Variants in STAG1 observed in about 807,000 individuals in gnomAD.
STAG1 encodes cohesin subunit SA-1.
Under a neutral mutation model 170.9 loss-of-function variants are expected in STAG1, and 26 were observed. That is an observed-to-expected ratio of 0.15 (90% CI 0.11 to 0.21). The LOEUF is 0.21. Ranked by LOEUF, STAG1 falls within the 10% of genes least tolerant of loss-of-function variation. STAG1 has a pLI of 1.00. For synonymous variants in STAG1, 514 were observed against 497.7 expected (o/e 1.03, Z -0.44); for missense variants, 964 against 1,509.5 (o/e 0.64, Z 5.99).
At chr3:136,490,316 C>T (rs2090099606) in intron 9 of STAG1, among the ~76,000 whole-genome samples, 1 of 152,162 alleles carries the variant, frequency 6.6e-6, no homozygotes. Flanking sequence ...GTGTGAGCTA[C>T]CGCACCCGAC....
rs369638783 is a variant in STAG1, at chr3:136,690,098, A to G, written c.-83-59117T>C. On this transcript the variant is annotated intron_variant, in intron 1 of 33. Coordinates refer to ENST00000383202, the MANE Select transcript of STAG1 (RefSeq NM_005862.3). Reference sequence around the variant, plus strand: ...AAAAAAAGTAAAGAAAAGAGAGAAAAAAGTCTAAGAGTTAGTCTAACCCTG... The same window carrying G: ...AAAAAAAGTAAAGAAAAGAGAGAAAGAAGTCTAAGAGTTAGTCTAACCCTG... Among the ~76,000 whole-genome samples the G allele has an allele frequency of 4.0e-5, 6 of 151,812 alleles. 1 individual carries two copies. In the East Asian group the frequency reaches 7.7e-4, roughly 20 times the overall value.
At chr3:136,555,579 A>T (rs1354159373) in intron 5 of STAG1, among the ~76,000 whole-genome samples, 1 of 152,072 alleles carries the variant, frequency 6.6e-6, no homozygotes, top group Non-Finnish European at 1.5e-5. Context: ...GCTACATAGG[A>T]GGCTGAGGTA....
intron 4 of STAG1, among the ~76,000 whole-genome samples, chr3:136,594,773 T>C (rs1938343129): frequency 6.6e-6 from 1 of 152,154 alleles, no homozygotes; most frequent in African/African-American, 2.4e-5. Context: ...TAAACGACAG[T>C]CCGACTTTTT....
At chr3:136,415,723 G>A (rs2087752448) in intron 21 of STAG1, among the ~76,000 whole-genome samples, 2 of 152,152 alleles carry the variant, frequency 1.3e-5, no homozygotes, top group South Asian at 2.1e-4. Flanking sequence ...TCAGGCGGCC[G>A]AGGCGGAAGA....
rs34852075 is a variant in STAG1, at chr3:136,678,996, CA to C, written c.-83-48016del. Among the ~76,000 whole-genome samples, 565 of 81,586 alleles carry C rather than the reference CA, an allele frequency of 6.9e-3. 6 individuals are homozygous for C. In the East Asian group the frequency reaches 0.12, roughly 17 times the overall value. 53.5% of individuals were successfully genotyped at this position (81,586 alleles called of 152,430 possible). On this transcript the variant is annotated intron_variant, in intron 1 of 33. Transcript: ENST00000383202. Reference sequence around the variant, plus strand: ...AACAAAGAATATCAAAAATACTTCACAAAAAAAAAAAAAAACAAATGTCTAC... The same window carrying C: ...AACAAAGAATATCAAAAATACTTCACAAAAAAAAAAAAAACAAATGTCTAC...
chr3:136,661,243 G>A (rs555617377), intron 1 of STAG1, among the ~76,000 whole-genome samples: 20 of 152,086 alleles, frequency 1.3e-4, no homozygotes, highest in Non-Finnish European at 2.8e-4. Context: ...TCCACCTCTA[G>A]ATGGTAGAAA....
chr3:136,515,457 G>T (rs939404229), intron 7 of STAG1, among the ~76,000 whole-genome samples: 6 of 152,074 alleles, frequency 3.9e-5, no homozygotes, highest in African/African-American at 1.4e-4. Flanking sequence ...TATGACTCAG[G>T]AAACAAAAGA....
At chr3:136,599,066 G>C (rs1938559070) in intron 4 of STAG1, among the ~76,000 whole-genome samples, 1 of 152,020 alleles carries the variant, frequency 6.6e-6, no homozygotes, top group Non-Finnish European at 1.5e-5. Context: ...ACTTGACCCA[G>C]CAATCCCATT....
chr3:136,426,978 T>C (rs970209584), intron 16 of STAG1, among the ~76,000 whole-genome samples: 2 of 150,954 alleles, frequency 1.3e-5, no homozygotes, highest in Non-Finnish European at 2.9e-5. Context: ...GAGAATGGCA[T>C]GAACCCAGGA....
chr3:136,395,574 T>C (rs776784386), intron 22 of STAG1, among the ~76,000 whole-genome samples: 2 of 152,148 alleles, frequency 1.3e-5, no homozygotes, highest in East Asian at 1.9e-4. Context: ...TGAGTCAAGA[T>C]TGCACCACTG....
intron 6 of STAG1, among the ~76,000 whole-genome samples, chr3:136,523,511 T>C (rs896798154): frequency 1.3e-5 from 2 of 151,734 alleles, no homozygotes; most frequent in African/African-American, 4.8e-5. Flanking sequence ...TCCCATTCTG[T>C]AGGTTGCAAA....
intron 1 of STAG1, among the ~76,000 whole-genome samples, chr3:136,665,879 T>C (rs1434128618): frequency 1.3e-5 from 2 of 148,382 alleles, no homozygotes. Flanking sequence ...ATCGAGACCA[T>C]CCTGGCTAAC....
Position 136,360,817 on chromosome 3 carries a change from C to G in STAG1, c.2788-1521G>C, listed in dbSNP as rs181738531. Among the ~76,000 whole-genome samples, 281 of 152,088 alleles carry G rather than the reference C, an allele frequency of 1.8e-3. 1 individual carries two copies. In the East Asian group the frequency reaches 0.021, roughly 11 times the overall value. On this transcript the variant is annotated intron_variant, in intron 26 of 33. Transcript: ENST00000383202. Reference sequence around the variant, plus strand: ...CTGAGTAGCTGGGGCTACAGGCGCCCGCCACCACACCCAGCTAATTTTTTG... The same window carrying G: ...CTGAGTAGCTGGGGCTACAGGCGCCGGCCACCACACCCAGCTAATTTTTTG...
chr3:136,456,795 A>G (rs550850167), intron 13 of STAG1, among the ~76,000 whole-genome samples: 2 of 152,328 alleles, frequency 1.3e-5, no homozygotes, highest in South Asian at 4.1e-4. Context: ...TGGAGCTCCT[A>G]TATGGCTTTC....
chr3:136,462,092 T>C (rs956938950), intron 13 of STAG1, among the ~76,000 whole-genome samples: 5 of 152,124 alleles, frequency 3.3e-5, no homozygotes, highest in African/African-American at 1.2e-4. Flanking sequence ...AGTACACTGT[T>C]GGTGGGAATG....
chr3:136,582,254 G>A (rs1295654897), intron 4 of STAG1, among the ~76,000 whole-genome samples: 2 of 152,096 alleles, frequency 1.3e-5, no homozygotes, highest in Non-Finnish European at 2.9e-5. Context: ...ATGTATCAAA[G>A]GTACATAGCC....
At chr3:136,348,904 T>C in intron 29 of STAG1, 2 of 489,530 alleles carry the variant, frequency 4.1e-6, no homozygotes, top group Non-Finnish European at 7.4e-6. Flanking sequence ...GGGATTGATT[T>C]TATAGACCTA....
chr3:136,659,034 C>T (rs1000595876), intron 1 of STAG1, among the ~76,000 whole-genome samples: 2 of 152,108 alleles, frequency 1.3e-5, no homozygotes, highest in Admixed American at 1.3e-4. Context: ...AATTTTGACG[C>T]TATTCCTGGT....
At chr3:136,679,499 C>G (rs772794067) in intron 1 of STAG1, among the ~76,000 whole-genome samples, 1 of 152,048 alleles carries the variant, frequency 6.6e-6, no homozygotes, top group African/African-American at 2.4e-5. Context: ...GAGGCCCAGG[C>G]GGGCGGATCA....
Sources: gnomAD v4.1 joint callset for allele counts (sites outside exome capture counted in the v4.1 genomes callset) on GRCh38, gnomAD v4.1.1 for gene constraint, MANE v1.5 for transcripts, NCBI Gene and HGNC (gene_info 2026-07-23, HGNC 2026-07-21) for gene names.